The following LRP5 variants were observed in gnomAD, a reference collection of about 807,000 sequenced individuals.
LRP5 encodes the protein LDL receptor related protein 5.
LRP5 carries 62 observed loss-of-function variants against 154.1 expected under a neutral mutation model. That is an observed-to-expected ratio of 0.40 (90% CI 0.33 to 0.50). LRP5 has a LOEUF of 0.50. Ranked by LOEUF, LRP5 falls within the 20% of genes least tolerant of loss-of-function variation. The pLI is 0.55. For synonymous variants in LRP5, 966 were observed against 1,011.5 expected, an observed-to-expected ratio of 0.96 and a Z score of 0.85; for missense variants, 1,915 against 2,336.7, an observed-to-expected ratio of 0.82 and a Z score of 3.72.
intron 13 of LRP5, among the ~76,000 whole-genome samples, chr11:68,417,796 G>A (rs2098663424): frequency 6.6e-6 from 1 of 151,726 alleles, no homozygotes; most frequent in Non-Finnish European, 1.5e-5. Flanking sequence ...TCAGCTGGGT[G>A]TGGTGGCGGG....
chr11:68,366,281 A>G (rs1294274127), intron 5 of LRP5, among the ~76,000 whole-genome samples: 2 of 151,936 alleles, frequency 1.3e-5, no homozygotes, highest in African/African-American at 4.8e-5. Flanking sequence ...GGTGGGGGAC[A>G]GGGCCTGCTT....
intron 1 of LRP5, among the ~76,000 whole-genome samples, chr11:68,343,370 G>A (rs924035322): frequency 1.3e-5 from 2 of 151,974 alleles, no homozygotes; most frequent in African/African-American, 4.8e-5. Context: ...GTGTATTTGT[G>A]TGTGTGTGTG....
intron 2 of LRP5, among the ~76,000 whole-genome samples, chr11:68,355,521 G>A (rs936787801): frequency 6.6e-6 from 1 of 152,172 alleles, no homozygotes; most frequent in African/African-American, 2.4e-5. Context: ...TGGGAACTGA[G>A]TCCTCCAAGC....
At chr11:68,381,055 G>A (rs1195833958) in intron 5 of LRP5, among the ~76,000 whole-genome samples, 2 of 152,216 alleles carry the variant, frequency 1.3e-5, no homozygotes, top group African/African-American at 4.8e-5. Context: ...GTGTCCTCAT[G>A]AGAGCAGGTG....
chr11:68,334,851 G>A (rs1251281782), intron 1 of LRP5, among the ~76,000 whole-genome samples: 1 of 152,156 alleles, frequency 6.6e-6, no homozygotes, highest in Admixed American at 6.6e-5. Context: ...GGGTGACAGA[G>A]TGAGACTCTG....
chr11:68,376,839 C>A (rs186835272), intron 5 of LRP5, among the ~76,000 whole-genome samples: 6 of 152,194 alleles, frequency 3.9e-5, no homozygotes, highest in African/African-American at 1.4e-4. Flanking sequence ...AAGTCACCAA[C>A]TGTTTTATAC....
chr11:68,406,955 GCCTATTT>G, intron 9 of LRP5, 142 bp downstream of exon 9: 2 of 762,138 alleles, frequency 2.6e-6, no homozygotes, highest in Admixed American at 3.4e-5. Context: ...ATATGAGCAA[GCCTATTT>G]AAAAAAAAAA....
chr11:68,357,745 A>G lies in LRP5; in HGVS notation c.584A>G (p.Tyr195Cys). 6.2e-7 allele frequency: 1 copy of G among 1,614,148 alleles called. No homozygotes were observed. Among genetic ancestry groups the G allele is most frequent in the Non-Finnish European group, 8.5e-7 (1 of 1,180,012 alleles). ...TRKIIVDSDI[Y>C]WPNGLTIDLE... is the part of the protein sequence containing the mutation. Reference sequence around the variant, plus strand: ...AAGATCATTGTGGACTCGGACATTTACTGGCCCAATGGACTGACCATCGAC... The same window carrying G: ...AAGATCATTGTGGACTCGGACATTTGCTGGCCCAATGGACTGACCATCGAC... Residue 195 changes from tyrosine to cysteine, a missense_variant, in exon 3 of 23, where the codon TAC becomes TGC. Coordinates refer to ENST00000294304, the MANE Select transcript of LRP5 (RefSeq NM_002335.4).
chr11:68,332,183 G>A (rs2098603225), intron 1 of LRP5, among the ~76,000 whole-genome samples: 1 of 152,142 alleles, frequency 6.6e-6, no homozygotes, highest in African/African-American at 2.4e-5. Context: ...AATCCAAGTT[G>A]GTTTGGGAAG....
chr11:68,366,496 CT>C, intron 5 of LRP5, among the ~76,000 whole-genome samples: 1 of 152,242 alleles, frequency 6.6e-6, no homozygotes, highest in Non-Finnish European at 1.5e-5. Flanking sequence ...CCTGGTCCCC[CT>C]GTTCTTGCTG....
rs747654722 is a variant in LRP5, at chr11:68,413,988, G to C, written c.2803G>C (p.Asp935His). 1 of 1,604,628 alleles carries C rather than the reference G, an allele frequency of 6.2e-7. No individual in the cohort carries two copies. Among genetic ancestry groups the C allele is most frequent in the African/African-American group, 1.3e-5 (1 of 75,042 alleles). The change falls in exon 12 of 23, where the codon GAC (aspartate) becomes CAC (histidine). Residue 935 changes from aspartate (D) to histidine (H), a missense_variant. Around this residue, in one of 3 missense-constraint regions of LRP5, gnomAD observed 1,094 missense variants for 1,210.1 expected, o/e 0.90. Coordinates refer to ENST00000294304, the MANE Select transcript of LRP5 (RefSeq NM_002335.4). This position sits in a 1 kb window ranked among gnomAD's most constrained non-coding sequence, Gnocchi z 5.1. ...RCGCASHYTLDPSSRNCSPPT... is the reference protein window; with the variant it reads ...RCGCASHYTLHPSSRNCSPPT... ...CGGCTGCGCCTCACACTACACCCTG[G>C]ACCCCAGCAGCCGCAACTGCAGCCG...
chr11:68,351,062 G>A (rs2098618096), intron 2 of LRP5, among the ~76,000 whole-genome samples: 1 of 152,218 alleles, frequency 6.6e-6, no homozygotes, highest in African/African-American at 2.4e-5. Flanking sequence ...GTGCGCGAGA[G>A]TGTCTGCATC....
At chr11:68,310,956 C>T (rs980027049), upstream of LRP5, among the ~76,000 whole-genome samples, 6 of 151,850 alleles carry the variant, frequency 4.0e-5, no homozygotes, top group African/African-American at 1.5e-4. Flanking sequence ...GTGCCGAAGG[C>T]TTTTGCTTCT....
chr11:68,404,325 C>T (rs1157147325), intron 8 of LRP5: 4 of 530,608 alleles, frequency 7.5e-6, no homozygotes, highest in Non-Finnish European at 1.5e-5. Context: ...CACACTGCAC[C>T]TGCTTGTCAG....
At chr11:68,354,698 C>G (rs1488178527) in intron 2 of LRP5, among the ~76,000 whole-genome samples, 1 of 152,236 alleles carries the variant, frequency 6.6e-6, no homozygotes, top group African/African-American at 2.4e-5. Flanking sequence ...TGGCCGGGCT[C>G]GGGCCCTCAG....
chr11:68,391,478 C>A (rs1293562442), intron 7 of LRP5, among the ~76,000 whole-genome samples: 1 of 152,212 alleles, frequency 6.6e-6, no homozygotes, highest in Non-Finnish European at 1.5e-5. Flanking sequence ...CCTCAGGGCT[C>A]CCAGGGGAGG....
chr11:68,429,756 C>T, intron 17 of LRP5, 56 bp downstream of exon 17: 1 of 1,609,650 alleles, frequency 6.2e-7, no homozygotes, highest in Non-Finnish European at 8.5e-7. Flanking sequence ...GATTCTCTGC[C>T]TGCTAGGCTG....
chr11:68,305,356 G>C, the LRP5 span, among the ~76,000 whole-genome samples: 2 of 151,944 alleles, frequency 1.3e-5, no homozygotes, highest in African/African-American at 4.8e-5. Flanking sequence ...CAACCAAGCA[G>C]ATGCCGGCAC....
At chr11:68,437,319 G>T (rs1186833672) in intron 19 of LRP5, among the ~76,000 whole-genome samples, 1 of 152,256 alleles carries the variant, frequency 6.6e-6, no homozygotes, top group African/African-American at 2.4e-5. Context: ...CCCGAGGGCT[G>T]CAGTGGTCCT....
Sources: allele counts gnomAD v4.1 joint callset (sites outside exome capture counted in the v4.1 genomes callset), GRCh38; gene constraint gnomAD v4.1.1; regional missense constraint gnomAD v4.1.1; non-coding constraint Gnocchi (gnomAD v3.1); transcripts MANE v1.5; gene names NCBI Gene and HGNC (gene_info 2026-07-23, HGNC 2026-07-21).